Variants in KNL1 observed in about 807,000 individuals in gnomAD.
KNL1 encodes the protein outer kinetochore KNL1 complex subunit KNL1.
Under a neutral mutation model 201.3 loss-of-function variants are expected in KNL1, and 66 were observed. That is an observed-to-expected ratio of 0.33 (90% confidence interval 0.27 to 0.40). The LOEUF (loss-of-function observed/expected upper bound fraction) is 0.40, where lower values mean the gene tolerates loss of function less well. KNL1 is among the 10% of genes least tolerant of loss of function. KNL1 has a pLI of 1.00. For missense variants in KNL1, 2,815 were observed against 2,690.5 expected, an observed-to-expected ratio of 1.05 and a Z score of -1.02; for synonymous variants, 895 against 899.2, an observed-to-expected ratio of 1.00 and a Z score of 0.08.
At position 40,621,539 on chromosome 15, in the gene KNL1, T is replaced by C. The variant is rs148542466; in HGVS notation, c.1275T>C (p.Cys425=). Residue 425 remains cysteine, a synonymous_variant, in exon 10 of 26, where the codon TGT becomes TGC. Transcript: ENST00000399668. ...ATTCTAATCCATCTATTCAAGGTTG[T>C]AAGACTGTTTTCTATTCTAGTTGTA... is the stretch of plus-strand genomic sequence containing the variant. ...SIYSNPSIQG[C]KTVFYSSCND... 3 of 1,611,974 alleles carry C rather than the reference T, an allele frequency of 1.9e-6. No homozygotes were observed. In the East Asian group the frequency reaches 6.7e-5, roughly 36 times the overall value.
chr15:40,607,447 C>T (rs540600511), intron 4 of KNL1, among the ~76,000 whole-genome samples: 2 of 152,184 alleles, frequency 1.3e-5, no homozygotes, highest in East Asian at 1.9e-4. Context: ...TGCTTTGATG[C>T]AGAGGGGTTA....
chr15:40,656,850 T>C lies in KNL1; in HGVS notation c.6485-192T>C, dbSNP rs182031352. ...GCAGTGAGCCAAGATCACGCCATGG[T>C]ACTCCAGCCTGGGTGACAGAGGGAG... On this transcript the variant is annotated intron_variant, in intron 22 of 25. Transcript: ENST00000399668. 2.9e-3 allele frequency among the ~76,000 whole-genome samples: 438 copies of C among 151,088 alleles called. 1 individual carries two copies. Among genetic ancestry groups the C allele is most frequent in the African/African-American group, 0.01 (413 of 41,140 alleles).
At chr15:40,656,256 C>A (rs1472855963) in intron 22 of KNL1, among the ~76,000 whole-genome samples, 3 of 151,880 alleles carry the variant, frequency 2.0e-5, no homozygotes, top group African/African-American at 7.3e-5. Context: ...CATAGTGAAA[C>A]CCTGTCTCTA....
intron 11 of KNL1, 44 bp downstream of exon 11, chr15:40,628,252 C>A: frequency 6.5e-7 from 1 of 1,531,522 alleles, no homozygotes; most frequent in Non-Finnish European, 8.7e-7. Flanking sequence ...CATCTGCTTA[C>A]TTAACTAATA....
intron 13 of KNL1, among the ~76,000 whole-genome samples, chr15:40,637,201 A>C (rs1456392285): frequency 6.7e-6 from 1 of 149,014 alleles, no homozygotes; most frequent in Non-Finnish European, 1.5e-5. Flanking sequence ...TATTTAAAAA[A>C]TTTTTTTAAT....
At chr15:40,626,918 T>A (rs1265091177) in intron 10 of KNL1, among the ~76,000 whole-genome samples, 2 of 145,242 alleles carry the variant, frequency 1.4e-5, no homozygotes, top group East Asian at 4.3e-4. Flanking sequence ...GTTTTGAGAT[T>A]AAGTCTTGCT....
In KNL1 at chr15:40,625,475, C is replaced by T. The variant is rs781167938; in HGVS notation, c.5211C>T (p.Ala1737=). 6.2e-7 allele frequency: 1 copy of T among 1,613,688 alleles called. No individual in the cohort carries two copies. Among genetic ancestry groups the T allele is most frequent in the Non-Finnish European group, 8.5e-7 (1 of 1,179,944 alleles). ...TTAACATAGAAACTGAGGAAAAGGC[C>T]TTGATTGAGACATACCAAAAAGAGA... is the stretch of plus-strand genomic sequence containing the variant. ...DSINIETEEK[A]LIETYQKEIS... Residue 1737 remains alanine (A), a synonymous_variant, in exon 10 of 26, where the codon GCC becomes GCT. Transcript: ENST00000399668.
intron 21 of KNL1, among the ~76,000 whole-genome samples, chr15:40,654,096 CCACAGTGCCTAA>C (rs1893650351): frequency 6.6e-6 from 1 of 152,058 alleles, no homozygotes; most frequent in African/African-American, 2.4e-5. Flanking sequence ...CTCATGGTAT[CCACAGTGCCTAA>C]CACATAGAAA....
At chr15:40,601,384 A>C (rs1294569995) in intron 1 of KNL1, among the ~76,000 whole-genome samples, 1 of 152,174 alleles carries the variant, frequency 6.6e-6, no homozygotes, top group African/African-American at 2.4e-5. Context: ...CCACTTTGGG[A>C]GTGGATTATT....
chr15:40,648,050 A>T (rs1567020098), intron 17 of KNL1, among the ~76,000 whole-genome samples: 1 of 152,204 alleles, frequency 6.6e-6, no homozygotes, highest in Non-Finnish European at 1.5e-5. Context: ...TGCATGCCAG[A>T]TACTGTGCTT....
chr15:40,620,533 C>T (rs930104077), intron 9 of KNL1, 107 bp from the exon 10 acceptor site: 16 of 627,442 alleles, frequency 2.6e-5, no homozygotes, highest in Admixed American at 1.3e-4. Context: ...AGCAAACCAA[C>T]GTGTTATGAA....
intron 7 of KNL1, among the ~76,000 whole-genome samples, chr15:40,611,945 C>T (rs1892175697): frequency 1.3e-5 from 2 of 151,948 alleles, no homozygotes; most frequent in Admixed American, 6.6e-5. Context: ...TTTGGGAGGC[C>T]GAGGCTGGTG....
intron 16 of KNL1, chr15:40,646,774 A>G (rs571287906): frequency 6.3e-4 from 187 of 297,352 alleles, no homozygotes; most frequent in South Asian, 4.1e-3. Context: ...GGAGAATGGC[A>G]TGAACCCGGG....
chr15:40,631,818 C>T (rs1055347804), intron 13 of KNL1, among the ~76,000 whole-genome samples: 5 of 151,614 alleles, frequency 3.3e-5, no homozygotes, highest in Non-Finnish European at 5.9e-5. Flanking sequence ...AGACCAGCCT[C>T]GGGAAAATAG....
At position 40,645,040 on chromosome 15, in the gene KNL1, A is replaced by G. The variant is rs1172208748; in HGVS notation, c.5842A>G (p.Ile1948Val). 3.7e-6 allele frequency: 6 copies of G among 1,612,440 alleles called. No homozygotes were observed. The highest frequency in any genetic ancestry group is 5.1e-6 in the Non-Finnish European group (6 of 1,179,178). The change falls in exon 15 of 26, where the codon ATA (isoleucine) becomes GTA (valine). Residue 1948 changes from isoleucine (I) to valine (V), a missense_variant. Around this residue, in one of 3 missense-constraint regions of KNL1, gnomAD observed 2,464 missense variants for 2,291.7 expected, o/e 1.08. Coordinates refer to ENST00000399668, the MANE Select transcript of KNL1 (RefSeq NM_144508.5). ...GAACCAAGATAAGCTGTTGGTTGAT[A>G]TAAATAAGAACCTGTGGGAAAAAAT... is the stretch of plus-strand genomic sequence containing the variant. ...ASNQDKLLVD[I>V]NKNLWEKMRH... is the part of the protein sequence containing the mutation.
intron 13 of KNL1, among the ~76,000 whole-genome samples, chr15:40,634,192 C>T (rs531648932): frequency 1.3e-5 from 2 of 152,048 alleles, no homozygotes; most frequent in Non-Finnish European, 2.9e-5. Context: ...CTGCAACCTC[C>T]GACTCCCAGG....
In KNL1 at chr15:40,664,303, A is replaced by G. The variant is rs1893993753; in HGVS notation, c.*2115A>G. The G allele has an allele frequency of 5.7e-6, 1 of 173,984 alleles. No individual in the cohort carries two copies. Among genetic ancestry groups the G allele is most frequent in the East Asian group, 1.0e-4 (1 of 9,918 alleles). 10.8% of individuals were successfully genotyped at this position (173,984 alleles called of 1,614,324 possible). A position where few individuals can be genotyped will look rare whatever the true frequency, so the allele number is the denominator to read the frequency against. ...TTTTCTTTCATTGGTTGGAAAGCAG[A>G]TTACATTTTGCACTATTAAAATAAG... On this transcript the variant is annotated 3_prime_UTR_variant, in exon 26 of 26. Coordinates refer to ENST00000399668, the MANE Select transcript of KNL1 (RefSeq NM_144508.5).
chr15:40,595,898 C>T (rs1418874371), intron 1 of KNL1, among the ~76,000 whole-genome samples: 1 of 152,122 alleles, frequency 6.6e-6, no homozygotes, highest in Non-Finnish European at 1.5e-5. Flanking sequence ...AGATATCGGT[C>T]GTATAAATGT....
At chr15:40,641,997 A>G (rs553350380) in intron 14 of KNL1, among the ~76,000 whole-genome samples, 2 of 152,364 alleles carry the variant, frequency 1.3e-5, no homozygotes, top group East Asian at 1.9e-4. Context: ...ATCTGGGACT[A>G]TCCAACTAAA....
Sources: allele counts gnomAD v4.1 joint callset (sites outside exome capture counted in the v4.1 genomes callset), GRCh38; gene constraint gnomAD v4.1.1; regional missense constraint gnomAD v4.1.1; transcripts MANE v1.5; gene names NCBI Gene and HGNC (gene_info 2026-07-23, HGNC 2026-07-21).